CLIC5: variants seen among roughly 807,000 people sequenced by gnomAD.
CLIC5 encodes CLIC family member 5, also known as chloride intracellular channel protein 5.
CLIC5 carries 20 observed loss-of-function variants against 24.7 expected under a neutral mutation model. The observed-to-expected ratio is 0.81, with a 90% confidence interval of 0.57 to 1.18. CLIC5 has a LOEUF of 1.18. Among genes scored for constraint, CLIC5 ranks in the 50% most tolerant of loss-of-function variants. The pLI is 0.00. For synonymous variants in CLIC5, 159 were observed against 135.6 expected (o/e 1.17, Z -1.20); for missense variants, 341 against 326.1 (o/e 1.05, Z -0.35).
chr6:45,983,206 T>C (rs1414533028), intron 1 of CLIC5, among the ~76,000 whole-genome samples: 2 of 152,142 alleles, frequency 1.3e-5, no homozygotes, highest in Non-Finnish European at 2.9e-5. Flanking sequence ...TGATCTAAAG[T>C]TCATGCAGCA....
chr6:46,018,512 G>C (rs748213002), upstream of CLIC5, among the ~76,000 whole-genome samples: 22 of 152,012 alleles, frequency 1.4e-4, no homozygotes, highest in Non-Finnish European at 2.9e-4. Context: ...ATTCTTCTTT[G>C]GTCATAAACT....
chr6:45,882,909 AG>A (rs2127279923), intron 6 of CLIC5, among the ~76,000 whole-genome samples: 1 of 152,332 alleles, frequency 6.6e-6, no homozygotes, highest in Non-Finnish European at 1.5e-5. Flanking sequence ...AGTATTGAAA[AG>A]ACCCCTCCCT....
intron 1 of CLIC5, among the ~76,000 whole-genome samples, chr6:45,956,535 G>C (rs943589453): frequency 6.7e-6 from 1 of 148,414 alleles, no homozygotes; most frequent in Non-Finnish European, 1.5e-5. Context: ...TCAACACACT[G>C]TTTTCTCCCT....
chr6:46,099,677 T>C, the CLIC5 span, among the ~76,000 whole-genome samples: 4 of 152,182 alleles, frequency 2.6e-5, no homozygotes, highest in Non-Finnish European at 5.9e-5. Context: ...CCAGAAAAAG[T>C]AGGAATCTAG....
intron 1 of CLIC5, among the ~76,000 whole-genome samples, chr6:46,004,271 G>A (rs77121621): frequency 0.023 from 3,468 of 152,278 alleles, 53 homozygotes; most frequent in Non-Finnish European, 0.036. Context: ...TAGTTTCTAC[G>A]GTAGAGACTA....
At chr6:46,097,114 A>T in the CLIC5 span, 1 of 152,232 alleles carries the variant, frequency 6.6e-6, no homozygotes, top group Non-Finnish European at 1.5e-5. Flanking sequence ...CAAATTTTTG[A>T]CTATCGTTAA....
intron 4 of CLIC5, among the ~76,000 whole-genome samples, chr6:45,922,528 T>A (rs961823990): frequency 1.3e-5 from 2 of 152,208 alleles, no homozygotes; most frequent in Non-Finnish European, 2.9e-5. Context: ...GCATATTTTT[T>A]TTAAAGGCAA....
intron 1 of CLIC5, among the ~76,000 whole-genome samples, chr6:46,009,727 A>G (rs927672297): frequency 6.6e-6 from 1 of 152,198 alleles, no homozygotes; most frequent in African/African-American, 2.4e-5. Flanking sequence ...AAGGGGTAGT[A>G]AAATCTGCAA....
chr6:45,911,024 C>T (rs982275990), intron 5 of CLIC5, among the ~76,000 whole-genome samples: 3 of 152,188 alleles, frequency 2.0e-5, no homozygotes, highest in Non-Finnish European at 4.4e-5. Flanking sequence ...GAGGCTGGAT[C>T]CCAGCCAACC....
At chr6:45,957,647 A>G (rs1344011556) in intron 1 of CLIC5, among the ~76,000 whole-genome samples, 1 of 152,202 alleles carries the variant, frequency 6.6e-6, no homozygotes, top group South Asian at 2.1e-4. Context: ...ATGTCTTATT[A>G]ATCTTGTATT....
chr6:46,008,061 C>T (rs7771614), intron 1 of CLIC5, among the ~76,000 whole-genome samples: 55,274 of 151,694 alleles, frequency 0.36, 10,650 homozygotes, highest in Middle Eastern at 0.54. Context: ...CACTAAAGCA[C>T]GAAGTCCAGC....
chr6:46,093,245 C>T, the CLIC5 span, among the ~76,000 whole-genome samples: 6 of 152,176 alleles, frequency 3.9e-5, no homozygotes, highest in African/African-American at 1.2e-4. Flanking sequence ...CGGCTTACCA[C>T]CTTTTCTATC....
chr6:45,987,024 T>G (rs1765767310), intron 1 of CLIC5, among the ~76,000 whole-genome samples: 1 of 152,082 alleles, frequency 6.6e-6, no homozygotes, highest in Non-Finnish European at 1.5e-5. Flanking sequence ...GTGTGCCTCT[T>G]GTGTTGCCCA....
the CLIC5 span, among the ~76,000 whole-genome samples, chr6:46,088,161 C>CTG: frequency 0.067 from 9,737 of 146,288 alleles, 595 homozygotes; most frequent in African/African-American, 0.16. Context: ...CGCTCTCTTT[C>CTG]TGTGTGTGTG....
At chr6:45,979,500 G>T (rs1407603655) in intron 1 of CLIC5, among the ~76,000 whole-genome samples, 3 of 152,200 alleles carry the variant, frequency 2.0e-5, no homozygotes, top group Non-Finnish European at 2.9e-5. Context: ...AAGGCTATGT[G>T]GGCTCCACCC....
exon 1 of CLIC5, chr6:46,079,824 C>A: frequency 6.4e-7 from 1 of 1,552,226 alleles, no homozygotes; most frequent in Non-Finnish European, 8.7e-7. Flanking sequence ...AATGGTGAAG[C>A]TTGAAGGAGA....
chr6:46,015,583 G>A lies in CLIC5; in HGVS notation c.-41C>T, dbSNP rs764315377. The A allele has an allele frequency of 2.0e-6, 3 of 1,537,460 alleles. No homozygotes were observed. In the South Asian group the frequency reaches 3.7e-5, roughly 19 times the overall value. On this transcript the variant is annotated 5_prime_UTR_variant, in exon 1 of 6. Coordinates refer to ENST00000339561, the MANE Select transcript of CLIC5 (RefSeq NM_016929.5). ...GGCTACCGTCCCGGGCCGGGGAGGC[G>A]CCACCTCTGCAGCACCTGGGCCAGC... is the stretch of plus-strand genomic sequence containing the variant.
intron 4 of CLIC5, among the ~76,000 whole-genome samples, chr6:45,926,115 C>T (rs1299872534): frequency 6.6e-6 from 1 of 151,898 alleles, no homozygotes; most frequent in Non-Finnish European, 1.5e-5. Flanking sequence ...CGTGGCTCAA[C>T]CCTCCCCTCC....
At chr6:46,045,741 T>C (rs1479762531) in intron 1 of CLIC5, among the ~76,000 whole-genome samples, 1 of 152,162 alleles carries the variant, frequency 6.6e-6, no homozygotes, top group Non-Finnish European at 1.5e-5. Flanking sequence ...TTTAGTAAAT[T>C]ATTACAAATT....
Sources: gnomAD v4.1 joint callset for allele counts (sites outside exome capture counted in the v4.1 genomes callset) on GRCh38, gnomAD v4.1.1 for gene constraint, MANE v1.5 for transcripts, NCBI Gene and HGNC (gene_info 2026-07-23, HGNC 2026-07-21) for gene names.